The following ANXA13 variants were observed in gnomAD, a reference collection of about 807,000 sequenced individuals.
The protein encoded by ANXA13 is annexin A13, also known as annexin XIII.
In ANXA13, 36 loss-of-function variants were observed where a neutral mutation model predicts 46.6. The observed-to-expected ratio is 0.77, with a 90% CI of 0.59 to 1.02. The LOEUF (loss-of-function observed/expected upper bound fraction) is 1.02, where lower values mean the gene tolerates loss of function less well. Ranked by LOEUF, ANXA13 falls within the 50% of genes least tolerant of loss-of-function variation. The probability of loss-of-function intolerance (pLI) is 0.00; values close to 1 mark genes in which losing one functional copy is unlikely to be tolerated. For missense variants in ANXA13, 417 were observed against 396.5 expected, an observed-to-expected ratio of 1.05 and a Z score of -0.44; for synonymous variants, 163 against 152.9, an observed-to-expected ratio of 1.07 and a Z score of -0.49.
At chr8:123,701,102 G>A (rs1813439623) in intron 3 of ANXA13, among the ~76,000 whole-genome samples, 1 of 152,118 alleles carries the variant, frequency 6.6e-6, no homozygotes, top group Non-Finnish European at 1.5e-5. Flanking sequence ...GAGCCACCTT[G>A]CCTGGACTGA....
At chr8:123,699,191 T>C (rs114180703) in intron 3 of ANXA13, among the ~76,000 whole-genome samples, 2,802 of 152,262 alleles carry the variant, frequency 0.018, 89 homozygotes, top group African/African-American at 0.063. Context: ...TCTGTTTTTT[T>C]CTTTGTTTGA....
In ANXA13 at chr8:123,720,425, T is replaced by C. The variant is rs1380677901; in HGVS notation, c.16-7672A>G. Among the ~76,000 whole-genome samples, 2 of 152,208 alleles carry C rather than the reference T, an allele frequency of 1.3e-5. 1 individual carries two copies. The highest frequency in any genetic ancestry group is 3.8e-4 in the East Asian group (2 of 5,200). ...TGTTACCATTGCCACTGTTGGTTAA[T>C]GGCACCTTGCGCCAATATTGGTGAT... On this transcript the variant is annotated intron_variant, in intron 1 of 10. Transcript: ENST00000419625.
intron 8 of ANXA13, among the ~76,000 whole-genome samples, chr8:123,691,531 A>C (rs2129836783): frequency 6.6e-6 from 1 of 152,302 alleles, no homozygotes; most frequent in Non-Finnish European, 1.5e-5. Context: ...CCAGGGACTA[A>C]CTGCTTATTT....
At chr8:123,729,768 A>C (rs1814076504) in intron 1 of ANXA13, among the ~76,000 whole-genome samples, 1 of 152,186 alleles carries the variant, frequency 6.6e-6, no homozygotes, top group South Asian at 2.1e-4. Context: ...TAGAATTGAC[A>C]ATTAAATGTC....
At chr8:123,691,127 G>C (rs943008685) in intron 8 of ANXA13, among the ~76,000 whole-genome samples, 2 of 152,198 alleles carry the variant, frequency 1.3e-5, no homozygotes, top group East Asian at 3.8e-4. Flanking sequence ...CTCAGGCTTA[G>C]AGCATAAATA....
chr8:123,682,170 G>T (rs1463657100), intron 10 of ANXA13, among the ~76,000 whole-genome samples: 1 of 152,146 alleles, frequency 6.6e-6, no homozygotes, highest in Non-Finnish European at 1.5e-5. Flanking sequence ...GATTAGCAAG[G>T]ATATTAGTAC....
chr8:123,690,929 C>A lies in ANXA13; in HGVS notation c.643-1983G>T, dbSNP rs1244709601. On this transcript the variant is annotated intron_variant, in intron 8 of 10. Transcript: ENST00000419625. The surrounding 1 kb of genome is among the most constrained non-coding windows in gnomAD (Gnocchi z 4.6). Reference sequence around the variant, plus strand: ...GGTGAGGCACGCAGTGAGGTGGCAGCAAAGTGGGCTATGGGTATGCATACC... The same window carrying A: ...GGTGAGGCACGCAGTGAGGTGGCAGAAAAGTGGGCTATGGGTATGCATACC... Among the ~76,000 whole-genome samples the A allele has an allele frequency of 6.6e-6, 1 of 152,204 alleles. No homozygotes were observed. The highest frequency in any genetic ancestry group is 1.5e-5 in the Non-Finnish European group (1 of 68,040).
Position 123,681,284 on chromosome 8 carries a change from T to G in ANXA13, c.907A>C (p.Thr303Pro). 1 of 1,614,120 alleles carries G rather than the reference T, an allele frequency of 6.2e-7. No homozygotes were observed. The highest frequency in any genetic ancestry group is 8.5e-7 in the Non-Finnish European group (1 of 1,179,998). ...KSLSDMVRSD[T>P]SGDFRKLLVA... Reference sequence around the variant, plus strand: ...AGCAGTTTCCGGAAGTCCCCGGAGGTATCTGAGCGAACCATGTCAGAGAGA... The same window carrying G: ...AGCAGTTTCCGGAAGTCCCCGGAGGGATCTGAGCGAACCATGTCAGAGAGA... Residue 303 changes from threonine to proline, a missense_variant, in exon 11 of 11, where the codon ACC (threonine) becomes CCC (proline). Coordinates refer to ENST00000419625, the MANE Select transcript of ANXA13 (RefSeq NM_004306.4).
At chr8:123,715,463 C>A (rs990202380) in intron 1 of ANXA13, among the ~76,000 whole-genome samples, 1 of 152,220 alleles carries the variant, frequency 6.6e-6, no homozygotes, top group African/African-American at 2.4e-5. Context: ...TCCTATCACT[C>A]GGCTAATTCA....
chr8:123,710,741 G>C (rs1813641885), intron 2 of ANXA13, among the ~76,000 whole-genome samples: 1 of 151,800 alleles, frequency 6.6e-6, no homozygotes, highest in South Asian at 2.1e-4. Flanking sequence ...GACTTTGGCT[G>C]TCTTACTTAA....
chr8:123,696,343 T>C (rs1385994295), intron 4 of ANXA13, among the ~76,000 whole-genome samples: 2 of 152,200 alleles, frequency 1.3e-5, no homozygotes, highest in Admixed American at 1.3e-4. Context: ...CTCCTATTGA[T>C]GGAGGCTTAG....
At chr8:123,696,515 C>T (rs2129851925) in intron 4 of ANXA13, among the ~76,000 whole-genome samples, 1 of 152,040 alleles carries the variant, frequency 6.6e-6, no homozygotes, top group Non-Finnish European at 1.5e-5. Context: ...CCTCAGTTTA[C>T]ACTTGAACCA....
chr8:123,684,770 G>T (rs1452752644), intron 9 of ANXA13, 48 bp from the exon 10 acceptor site: 1 of 1,435,752 alleles, frequency 7.0e-7, no homozygotes, highest in Non-Finnish European at 9.8e-7. Context: ...ACGTTTTGTG[G>T]AATGACCTTG....
At chr8:123,698,325 T>TG in intron 4 of ANXA13, 64 bp downstream of exon 4, 2 of 1,565,738 alleles carry the variant, frequency 1.3e-6, no homozygotes, top group Non-Finnish European at 1.7e-6. Flanking sequence ...GGGTCCCTTC[T>TG]GGGGGGCTGC....
intron 1 of ANXA13, among the ~76,000 whole-genome samples, chr8:123,719,984 G>A (rs1479931602): frequency 6.6e-6 from 1 of 152,228 alleles, no homozygotes; most frequent in Non-Finnish European, 1.5e-5. Context: ...GTGGTGGCAC[G>A]TAGGAGGTGG....
chr8:123,687,502 G>A (rs917644587), intron 9 of ANXA13, among the ~76,000 whole-genome samples: 3 of 152,258 alleles, frequency 2.0e-5, no homozygotes, highest in East Asian at 1.9e-4. Flanking sequence ...ACCAGGGCTC[G>A]TGTATATATC....
intron 3 of ANXA13, among the ~76,000 whole-genome samples, chr8:123,701,686 C>T (rs1355726581): frequency 6.6e-6 from 1 of 151,944 alleles, no homozygotes; most frequent in East Asian, 1.9e-4. Flanking sequence ...CTGGGTCCTC[C>T]AGGAATGGAT....
rs1396072268 is a variant in ANXA13 at position 123,693,047 on chromosome 8, C to T, written c.642+150G>A. Reference sequence around the variant, plus strand: ...AACTCCAGATAATTCTAGACATTATCAAATATTCCCTAGGTAGGAAAATCG... The same window carrying T: ...AACTCCAGATAATTCTAGACATTATTAAATATTCCCTAGGTAGGAAAATCG... On this transcript the variant is annotated intron_variant, in intron 8 of 10. Coordinates refer to ENST00000419625, the MANE Select transcript of ANXA13 (RefSeq NM_004306.4). 4.2e-6 allele frequency: 3 copies of T among 720,888 alleles called. No individual in the cohort carries two copies. The African/African-American group carries it at 5.3e-5, about 13-fold the overall frequency. 44.7% of individuals were successfully genotyped at this position (720,888 alleles called of 1,614,324 possible).
At chr8:123,695,432 C>T in intron 6 of ANXA13, 70 bp downstream of exon 6, 2 of 1,186,090 alleles carry the variant, frequency 1.7e-6, no homozygotes, top group Admixed American at 1.9e-5. Context: ...TACCCTTTTT[C>T]ATCATGGTGC....
Sources: gnomAD v4.1 joint callset for allele counts (sites outside exome capture counted in the v4.1 genomes callset) on GRCh38, gnomAD v4.1.1 for gene constraint, Gnocchi (gnomAD v3.1) non-coding constraint, MANE v1.5 for transcripts, NCBI Gene and HGNC (gene_info 2026-07-23, HGNC 2026-07-21) for gene names.